FOXR1: variants seen among roughly 807,000 people sequenced by gnomAD.
FOXR1 encodes the protein forkhead box R1, also known as forkhead box protein R1.
A neutral mutation model predicts 34.5 loss-of-function variants in FOXR1; 25 were observed. The ratio of observed to expected loss-of-function variants is 0.72; its 90% CI spans 0.53 to 1.01. FOXR1 has a LOEUF of 1.01. FOXR1 is among the 50% of genes least tolerant of loss of function. The pLI is 0.00. For synonymous variants in FOXR1, 153 were observed against 141.6 expected (o/e 1.08, Z -0.57); for missense variants, 373 against 376.2 (o/e 0.99, Z 0.07).
Position 118,981,200 on chromosome 11 carries a change from TC to T in FOXR1, c.851-7del. On this transcript the variant is annotated splice_region_variant and splice_polypyrimidine_tract_variant and intron_variant, in intron 5 of 5. Transcript: ENST00000317011. ...TATAAACTCCTGAACTCTCTCCTTTTCTTACAGATGTGATGCCCTTCCTCTT... is the reference window on the plus strand; with the variant it reads ...TATAAACTCCTGAACTCTCTCCTTTTTTACAGATGTGATGCCCTTCCTCTT... 2 of 1,614,122 alleles carry T rather than the reference TC, an allele frequency of 1.2e-6. No homozygotes were observed. Among genetic ancestry groups the T allele is most frequent in the Non-Finnish European group, 1.7e-6 (2 of 1,179,986 alleles).
At chr11:118,976,026 TA>T (rs1941775583) in intron 1 of FOXR1, among the ~76,000 whole-genome samples, 1 of 152,100 alleles carries the variant, frequency 6.6e-6, no homozygotes, top group Non-Finnish European at 1.5e-5. Context: ...AGTGGGATCA[TA>T]GTTGGGGTTG....
Position 118,979,624 on chromosome 11 carries a change from T to C in FOXR1, c.567T>C (p.Ser189=), listed in dbSNP as rs1291284284. ...FHLIALALRN[S]SPCGLNVQQI... is the part of the protein sequence containing the mutation. ...TAATTGCCCTGGCATTAAGAAACAG[T>C]TCCCCCTGTGGCCTCAACGTGCAAC... is the stretch of plus-strand genomic sequence containing the variant. Residue 189 remains serine (S), a synonymous_variant, in exon 4 of 6, where the codon AGT becomes AGC. Coordinates refer to ENST00000317011, the MANE Select transcript of FOXR1 (RefSeq NM_181721.3). 3.1e-6 allele frequency: 5 copies of C among 1,611,668 alleles called. No individual in the cohort carries two copies. The highest frequency in any genetic ancestry group is 1.3e-5 in the African/African-American group (1 of 74,840).
At chr11:118,977,091 C>T (rs1410655823) in intron 1 of FOXR1, among the ~76,000 whole-genome samples, 1 of 152,104 alleles carries the variant, frequency 6.6e-6, no homozygotes, top group Non-Finnish European at 1.5e-5. Flanking sequence ...AGTGTAGTGG[C>T]ACGATCTCAG....
At position 118,978,415 on chromosome 11, in the gene FOXR1, G is replaced by A. The variant is rs542429562; in HGVS notation, c.62-367G>A. Among the ~76,000 whole-genome samples the A allele has an allele frequency of 3.9e-5, 6 of 152,254 alleles. 1 individual carries two copies. In the South Asian group the frequency reaches 6.2e-4, roughly 16 times the overall value. The stretch of plus-strand genomic sequence containing the variant: ...AGATGGAATTCAGTTTTAGAAGTGC[G>A]TTTGAAGTGCCTGTGGGCTACCCAA... On this transcript the variant is annotated intron_variant, in intron 1 of 5. Coordinates refer to ENST00000317011, the MANE Select transcript of FOXR1 (RefSeq NM_181721.3).
chr11:118,973,176 A>G (rs2134478746), intron 1 of FOXR1, among the ~76,000 whole-genome samples: 1 of 152,328 alleles, frequency 6.6e-6, no homozygotes, highest in African/African-American at 2.4e-5. Flanking sequence ...TCTTCATTCA[A>G]GAAATATGTA....
In FOXR1 at chr11:118,973,697, C is replaced by CTTTT. The variant is rs33940358; in HGVS notation, c.61+1716_61+1719dup. ...GGTGTGAGCCACCGCACCCGGCCTT[C>CTTTT]TTTTTTTTTTTTTTGTCATGGAGTC... is the stretch of plus-strand genomic sequence containing the variant. On this transcript the variant is annotated intron_variant, in intron 1 of 5. Transcript: ENST00000317011. 6.6e-5 allele frequency among the ~76,000 whole-genome samples: 9 copies of CTTTT among 137,082 alleles called. 2 individuals are homozygous for CTTTT. The highest frequency in any genetic ancestry group is 1.1e-4 in the Non-Finnish European group (7 of 64,162). The allele number at this position is 137,082 out of a possible 152,430, so 89.9% of individuals were successfully genotyped here.
Position 118,979,062 on chromosome 11 carries a change from G to A in FOXR1, c.242G>A (p.Ser81Asn). The A allele has an allele frequency of 1.9e-6, 3 of 1,604,984 alleles. No individual in the cohort carries two copies. The highest frequency in any genetic ancestry group is 2.6e-6 in the Non-Finnish European group (3 of 1,175,998). ...CGTAGGAAGAGGGAGGACCTGACAA[G>A]CACACTCCCCTCCTCTCAGCCACCC... ...SGRRKREDLTSTLPSSQPPQK... is the reference protein window; with the variant it reads ...SGRRKREDLTNTLPSSQPPQK... The change falls in exon 3 of 6, where the codon AGC becomes AAC. Residue 81 changes from serine (S) to asparagine (N), a missense_variant. Physicochemically the swap from Ser to Asn is conservative, Grantham distance 46 (BLOSUM62 1). Transcript: ENST00000317011.
At chr11:118,981,104 G>A in intron 5 of FOXR1, 104 bp from the exon 6 acceptor site, 1 of 1,134,270 alleles carries the variant, frequency 8.8e-7, no homozygotes, top group Admixed American at 1.7e-5. Context: ...CAGCATTTGA[G>A]CCTTGAGTGA....
At chr11:118,978,217 GAA>G (rs34672422) in intron 1 of FOXR1, among the ~76,000 whole-genome samples, 2,989 of 145,676 alleles carry the variant, frequency 0.021, 98 homozygotes, top group African/African-American at 0.071. Context: ...GACTCCATCT[GAA>G]AAAAAAAAAA....
Position 118,979,211 on chromosome 11 carries a change from A to G in FOXR1, c.384+7A>G. The stretch of plus-strand genomic sequence containing the variant: ...TTCCCCCAGCACCTGGGAGGTATGC[A>G]TTTTTGGGGATGGGAGTGGGACTTG... On this transcript the variant is annotated splice_region_variant and intron_variant, in intron 3 of 5. Transcript: ENST00000317011. The G allele has an allele frequency of 6.6e-7, 1 of 1,516,610 alleles. No homozygotes were observed. Among genetic ancestry groups the G allele is most frequent in the Non-Finnish European group, 8.8e-7 (1 of 1,135,784 alleles). 93.9% of individuals were successfully genotyped at this position (1,516,610 alleles called of 1,614,324 possible).
chr11:118,976,145 A>G (rs1337531568), intron 1 of FOXR1, among the ~76,000 whole-genome samples: 1 of 152,236 alleles, frequency 6.6e-6, no homozygotes, highest in Non-Finnish European at 1.5e-5. Flanking sequence ...GGGAGTGTCC[A>G]CAGTAGAGTA....
intron 1 of FOXR1, among the ~76,000 whole-genome samples, chr11:118,973,124 C>T (rs540310116): frequency 6.6e-6 from 1 of 151,434 alleles, no homozygotes; most frequent in African/African-American, 2.5e-5. Context: ...GCTTCCAACT[C>T]TTTGCCACCA....
At chr11:118,972,054 C>T in intron 1 of FOXR1, 62 bp downstream of exon 1, 1 of 1,338,296 alleles carries the variant, frequency 7.5e-7, no homozygotes, top group East Asian at 2.9e-5. Context: ...TAGGGGCTCG[C>T]GGGACCCCGG....
At chr11:118,973,344 G>A (rs1941738810) in intron 1 of FOXR1, among the ~76,000 whole-genome samples, 1 of 152,104 alleles carries the variant, frequency 6.6e-6, no homozygotes, top group Non-Finnish European at 1.5e-5. Flanking sequence ...GTGATAATCT[G>A]CAATGGGGAA....
chr11:118,978,692 T>C (rs1941807689), intron 1 of FOXR1, 90 bp from the exon 2 acceptor site: 21 of 1,386,898 alleles, frequency 1.5e-5, no homozygotes, highest in African/African-American at 2.9e-5. Context: ...CCCACAACCT[T>C]CTCCCAGAGA....
chr11:118,975,791 G>C (rs978097518), intron 1 of FOXR1, among the ~76,000 whole-genome samples: 1 of 152,134 alleles, frequency 6.6e-6, no homozygotes, highest in African/African-American at 2.4e-5. Context: ...TCCTTGGGTC[G>C]CAATGAGATC....
chr11:118,973,010 T>C (rs1382943185), intron 1 of FOXR1, among the ~76,000 whole-genome samples: 1 of 152,218 alleles, frequency 6.6e-6, no homozygotes, highest in Non-Finnish European at 1.5e-5. Context: ...AGCTGTTGTT[T>C]TAGGTTGCTA....
rs1185411598 is a variant in FOXR1, at chr11:118,971,860, G to A, written c.-72G>A. On this transcript the variant is annotated 5_prime_UTR_variant, in exon 1 of 6. Coordinates refer to ENST00000317011, the MANE Select transcript of FOXR1 (RefSeq NM_181721.3). ...CGCGCCTCTGCCAGCCCCGAAGGTG[G>A]ACGTGAAGCTCCAACACCTCGACTT... The A allele has an allele frequency of 1.3e-6, 2 of 1,503,020 alleles. No homozygotes were observed. Among genetic ancestry groups the A allele is most frequent in the Non-Finnish European group, 1.8e-6 (2 of 1,104,904 alleles). The allele number at this position is 1,503,020 out of a possible 1,614,324, so 93.1% of individuals were successfully genotyped here. A position where few individuals can be genotyped will look rare whatever the true frequency, so the allele number is the denominator to read the frequency against.
chr11:118,979,575 G>T lies in FOXR1; in HGVS notation c.518G>T (p.Arg173Leu). The T allele has an allele frequency of 1.9e-6, 3 of 1,612,934 alleles. No homozygotes were observed. Among genetic ancestry groups the T allele is most frequent in the Non-Finnish European group, 1.7e-6 (2 of 1,179,460 alleles). The change falls in exon 4 of 6, where the codon CGG becomes CTG. Residue 173 changes from arginine to leucine, a missense_variant. Transcript: ENST00000317011. ...AGCCAGGCGGGGAGGCTCTGGTCCC[G>T]GCCCCCTCTCAATTACTTCCACCTA... ...ASSQAGRLWS[R>L]PPLNYFHLIA...
Sources: allele counts gnomAD v4.1 joint callset (sites outside exome capture counted in the v4.1 genomes callset), GRCh38; gene constraint gnomAD v4.1.1; transcripts MANE v1.5; gene names NCBI Gene and HGNC (gene_info 2026-07-23, HGNC 2026-07-21).